The following KCNQ5 variants were observed in gnomAD, a reference collection of about 807,000 sequenced individuals.
The protein encoded by KCNQ5 is potassium voltage-gated channel subfamily KQT member 5.
KCNQ5 carries 30 observed loss-of-function variants against 98.2 expected under a neutral mutation model. The observed-to-expected ratio is 0.31, with a 90% confidence interval of 0.23 to 0.41. The LOEUF (loss-of-function observed/expected upper bound fraction) is 0.41. Among genes scored for constraint, KCNQ5 ranks in the 10% least tolerant of loss-of-function variants. The pLI, the probability that KCNQ5 is intolerant of heterozygous loss-of-function variation, is 1.00. For missense variants in KCNQ5, 835 were observed against 1,182.5 expected, an observed-to-expected ratio of 0.71 and a Z score of 4.31; for synonymous variants, 458 against 449.4, an observed-to-expected ratio of 1.02 and a Z score of -0.24.
intron 1 of KCNQ5, among the ~76,000 whole-genome samples, chr6:73,001,102 C>G (rs563166484): frequency 6.6e-6 from 1 of 152,198 alleles, no homozygotes; most frequent in African/African-American, 2.4e-5. Flanking sequence ...CTTGTTGAAA[C>G]CTTACTCTTC....
chr6:73,061,181 G>C (rs1257012090), intron 3 of KCNQ5, among the ~76,000 whole-genome samples: 1 of 152,012 alleles, frequency 6.6e-6, no homozygotes, highest in Non-Finnish European at 1.5e-5. Context: ...GTGTAAGAAA[G>C]GAGAAAAATA....
intron 3 of KCNQ5, among the ~76,000 whole-genome samples, chr6:73,044,206 G>C (rs1004832113): frequency 4.6e-5 from 7 of 152,174 alleles, no homozygotes; most frequent in Non-Finnish European, 8.8e-5. Context: ...TTTGAGCCCA[G>C]GAGTTTGAGG....
At chr6:72,878,126 G>A (rs1049692554) in intron 1 of KCNQ5, among the ~76,000 whole-genome samples, 7 of 152,000 alleles carry the variant, frequency 4.6e-5, no homozygotes, top group Non-Finnish European at 7.4e-5. Context: ...AAAAATTAGC[G>A]GGGCATGGTG....
At chr6:72,658,025 G>T (rs932674249) in intron 1 of KCNQ5, among the ~76,000 whole-genome samples, 1 of 152,086 alleles carries the variant, frequency 6.6e-6, no homozygotes, top group Non-Finnish European at 1.5e-5. Flanking sequence ...TGTATTCTGG[G>T]CATCTGCAGG....
At chr6:73,147,931 C>A (rs1179110047) in intron 10 of KCNQ5, among the ~76,000 whole-genome samples, 2 of 152,062 alleles carry the variant, frequency 1.3e-5, no homozygotes, top group Non-Finnish European at 2.9e-5. Flanking sequence ...GATAATGAAA[C>A]TCCTCCACTG....
chr6:72,988,523 G>T lies in KCNQ5; in HGVS notation c.399-15385G>T, dbSNP rs182640335. On this transcript the variant is annotated intron_variant, in intron 1 of 13. Transcript: ENST00000370398. The stretch of plus-strand genomic sequence containing the variant: ...CTACTAGAGGGGAGGGGAAGGAGAA[G>T]GGCGTAGGTCAAAAAACTACCTACT... Among the ~76,000 whole-genome samples, 4 of 152,036 alleles carry T rather than the reference G, an allele frequency of 2.6e-5. No homozygotes were observed. In the East Asian group the frequency reaches 7.7e-4, roughly 29 times the overall value.
At chr6:72,627,068 A>G (rs2098918316) in intron 1 of KCNQ5, among the ~76,000 whole-genome samples, 1 of 152,222 alleles carries the variant, frequency 6.6e-6, no homozygotes, top group South Asian at 2.1e-4. Context: ...CATAGCAGTG[A>G]ACAAGGCACA....
chr6:73,051,098 T>C (rs1024996679), intron 3 of KCNQ5, among the ~76,000 whole-genome samples: 20 of 152,262 alleles, frequency 1.3e-4, no homozygotes, highest in Non-Finnish European at 2.4e-4. Context: ...CATATAGTGC[T>C]AGTTCACCTT....
At chr6:73,018,141 A>G (rs982570726) in intron 2 of KCNQ5, among the ~76,000 whole-genome samples, 3 of 152,198 alleles carry the variant, frequency 2.0e-5, no homozygotes, top group Non-Finnish European at 2.9e-5. Flanking sequence ...TCTTTGACTT[A>G]ATGATAATAA....
At chr6:73,085,640 T>C (rs1436271101) in intron 5 of KCNQ5, among the ~76,000 whole-genome samples, 1 of 151,892 alleles carries the variant, frequency 6.6e-6, no homozygotes, top group Non-Finnish European at 1.5e-5. Flanking sequence ...TCCAGAGTGC[T>C]GTTCTCAGAT....
At chr6:72,749,047 G>T (rs1299084605) in intron 1 of KCNQ5, among the ~76,000 whole-genome samples, 2 of 152,094 alleles carry the variant, frequency 1.3e-5, no homozygotes, top group East Asian at 1.9e-4. Flanking sequence ...TTGAATGAGG[G>T]GAGTTAACTC....
chr6:73,139,126 C>T lies in KCNQ5; in HGVS notation c.1468+5485C>T, dbSNP rs560838241. 1.3e-3 allele frequency among the ~76,000 whole-genome samples: 204 copies of T among 152,344 alleles called. 1 individual carries two copies. The highest frequency in any genetic ancestry group is 2.3e-3 in the Non-Finnish European group (156 of 68,024). On this transcript the variant is annotated intron_variant, in intron 10 of 13. Coordinates refer to ENST00000370398, the MANE Select transcript of KCNQ5 (RefSeq NM_019842.4). The stretch of plus-strand genomic sequence containing the variant: ...CAGGCTGGAAGCAAAATGGCTACAG[C>T]AGTTGCAATATCTTCTATAGATGCA...
chr6:72,809,033 C>T (rs1582331920), intron 1 of KCNQ5, among the ~76,000 whole-genome samples: 1 of 151,556 alleles, frequency 6.6e-6, no homozygotes. Context: ...AAATGTGGCA[C>T]ATATACACCA....
At chr6:73,054,748 G>T (rs975364463) in intron 3 of KCNQ5, among the ~76,000 whole-genome samples, 2 of 152,186 alleles carry the variant, frequency 1.3e-5, no homozygotes, top group Non-Finnish European at 2.9e-5. Flanking sequence ...CAGTGAATGA[G>T]CAAAAGCTGG....
At chr6:72,649,839 C>T (rs924883744) in intron 1 of KCNQ5, among the ~76,000 whole-genome samples, 1 of 152,082 alleles carries the variant, frequency 6.6e-6, no homozygotes, top group Non-Finnish European at 1.5e-5. Flanking sequence ...AGGTCACAGA[C>T]AACATGAACT....
At chr6:73,150,894 T>A (rs964185361) in intron 10 of KCNQ5, among the ~76,000 whole-genome samples, 4 of 151,860 alleles carry the variant, frequency 2.6e-5, no homozygotes, top group Admixed American at 2.6e-4. Context: ...GAAATGCATA[T>A]CATATTAGTG....
At chr6:72,785,992 T>A (rs1464529603) in intron 1 of KCNQ5, among the ~76,000 whole-genome samples, 1 of 152,176 alleles carries the variant, frequency 6.6e-6, no homozygotes, top group Non-Finnish European at 1.5e-5. Flanking sequence ...CATAGGTAAT[T>A]TAAAGTTTTC....
intron 1 of KCNQ5, among the ~76,000 whole-genome samples, chr6:72,839,566 A>G (rs1409281325): frequency 6.6e-6 from 1 of 152,158 alleles, no homozygotes; most frequent in Non-Finnish European, 1.5e-5. Context: ...TTAAAAGACA[A>G]TTATCTTGGT....
Position 72,622,379 on chromosome 6 carries a change from C to A in KCNQ5, c.190C>A (p.Arg64Ser). The A allele has an allele frequency of 6.8e-7, 1 of 1,466,778 alleles. No homozygotes were observed. The highest frequency in any genetic ancestry group is 9.0e-7 in the Non-Finnish European group (1 of 1,109,580). 90.9% of individuals were successfully genotyped at this position (1,466,778 alleles called of 1,614,324 possible). Reference protein sequence around the residue: ...RGDGLLLLGTRAATLGGGGGG... With the variant: ...RGDGLLLLGTSAATLGGGGGG... ...CGACGGCCTGCTACTGCTGGGCACC[C>A]GCGCGGCCACGCTCGGTGGCGGCGG... The change falls in exon 1 of 14, where the codon CGC becomes AGC. Residue 64 changes from arginine (R) to serine (S), a missense_variant. By Grantham distance (110) the Arg-to-Ser change is moderately radical. Coordinates refer to ENST00000370398, the MANE Select transcript of KCNQ5 (RefSeq NM_019842.4). This position sits in a 1 kb window ranked among gnomAD's most constrained non-coding sequence, Gnocchi z 6.0.
Sources: gnomAD v4.1 joint callset for allele counts (sites outside exome capture counted in the v4.1 genomes callset) on GRCh38, gnomAD v4.1.1 for gene constraint, Gnocchi (gnomAD v3.1) non-coding constraint, MANE v1.5 for transcripts, NCBI Gene and HGNC (gene_info 2026-07-23, HGNC 2026-07-21) for gene names.